Variants in IGDCC4 observed in about 807,000 individuals in gnomAD.
IGDCC4 encodes the protein likely ortholog of mouse neighbor of Punc E11.
Under a neutral mutation model 116.6 loss-of-function variants are expected in IGDCC4, and 72 were observed. The ratio of observed to expected loss-of-function variants is 0.62; its 90% CI spans 0.51 to 0.75. The LOEUF is 0.75. Ranked by LOEUF, IGDCC4 falls within the 30% of genes least tolerant of loss-of-function variation. The probability of loss-of-function intolerance (pLI) is 0.00; values close to 1 mark genes in which losing one functional copy is unlikely to be tolerated. For synonymous variants in IGDCC4, 709 were observed against 719.9 expected, an observed-to-expected ratio of 0.98 and a Z score of 0.24; for missense variants, 1,501 against 1,662.4, an observed-to-expected ratio of 0.90 and a Z score of 1.69.
At position 65,384,627 on chromosome 15, in the gene IGDCC4, G is replaced by A. The variant is rs1481323226; in HGVS notation, c.3343-208C>T. On this transcript the variant is annotated intron_variant, in intron 19 of 19. Transcript: ENST00000352385. This position sits in a 1 kb window ranked among gnomAD's most constrained non-coding sequence, Gnocchi z 4.9. Reference sequence around the variant, plus strand: ...CATTTGCCCTCATCCAGGAGTTTCAGGAGTACCAGACTCAGTCAGGGCCTC... The same window carrying A: ...CATTTGCCCTCATCCAGGAGTTTCAAGAGTACCAGACTCAGTCAGGGCCTC... 1.3e-5 allele frequency among the ~76,000 whole-genome samples: 2 copies of A among 152,176 alleles called. No homozygotes were observed. The highest frequency in any genetic ancestry group is 3.8e-4 in the East Asian group (2 of 5,196).
At chr15:65,412,344 T>G (rs1213503956) in intron 1 of IGDCC4, among the ~76,000 whole-genome samples, 1 of 151,446 alleles carries the variant, frequency 6.6e-6, no homozygotes, top group Non-Finnish European at 1.5e-5. Context: ...AAACCCCGTC[T>G]CTACTAAAAA....
chr15:65,385,415 C>A, intron 18 of IGDCC4: 1 of 525,456 alleles, frequency 1.9e-6, no homozygotes, highest in Non-Finnish European at 3.4e-6. Context: ...TGGGATGTGC[C>A]GCCCCTGCCA....
chr15:65,422,707 G>A (rs2063204662), intron 1 of IGDCC4, 86 bp downstream of exon 1: 11 of 1,109,470 alleles, frequency 9.9e-6, no homozygotes, highest in Non-Finnish European at 1.3e-5. Context: ...TCCGGCTTGA[G>A]CCAGCCCCGC....
At chr15:65,390,442 T>G (rs1383143133) in intron 12 of IGDCC4, 104 bp from the exon 13 acceptor site, 1 of 927,380 alleles carries the variant, frequency 1.1e-6, no homozygotes, top group African/African-American at 1.6e-5. Context: ...ACCCACTCCT[T>G]TGATCCTGTG....
intron 12 of IGDCC4, among the ~76,000 whole-genome samples, chr15:65,390,836 A>G (rs1246879920): frequency 6.6e-6 from 1 of 152,254 alleles, no homozygotes; most frequent in Admixed American, 6.5e-5. Context: ...ACCCCAAGAG[A>G]GCAAGAACCT....
In IGDCC4 at chr15:65,382,529, C is replaced by T. The variant is rs2091411333; in HGVS notation, c.*1480G>A. The stretch of plus-strand genomic sequence containing the variant: ...GGAGTAAAGACCCTAACATTCTATG[C>T]TCCTATGAGAGGGCTGAGGTGAAAA... On this transcript the variant is annotated 3_prime_UTR_variant, in exon 20 of 20. Coordinates refer to ENST00000352385, the MANE Select transcript of IGDCC4 (RefSeq NM_020962.3). 2.0e-5 allele frequency: 3 copies of T among 152,498 alleles called. No homozygotes were observed. Among genetic ancestry groups the T allele is most frequent in the Non-Finnish European group, 4.4e-5 (3 of 68,030 alleles). The allele number at this position is 152,498 out of a possible 1,614,324, so 9.4% of individuals were successfully genotyped here. A position where few individuals can be genotyped will look rare whatever the true frequency, so the allele number is the denominator to read the frequency against.
chr15:65,396,943 G>A lies in IGDCC4; in HGVS notation c.888C>T (p.Asn296=). 1 of 1,577,648 alleles carries A rather than the reference G, an allele frequency of 6.3e-7. No individual in the cohort carries two copies. The highest frequency in any genetic ancestry group is 8.6e-7 in the Non-Finnish European group (1 of 1,161,300). The change falls in exon 6 of 20, where the codon AAC becomes AAT. Residue 296 remains asparagine, a synonymous_variant. Transcript: ENST00000352385. ...AGGGCTGCGCGTTGGCAATTAGTAG[G>A]TTGGTGCGGCCCAGGACGATGACAT... ...STDVIVLGRT[N]LLIANAQPWH...
Position 65,396,840 on chromosome 15 carries a change from C to G in IGDCC4, c.991G>C (p.Val331Leu), listed in dbSNP as rs1379663665. The G allele has an allele frequency of 1.3e-6, 2 of 1,571,262 alleles. No individual in the cohort carries two copies. Among genetic ancestry groups the G allele is most frequent in the Non-Finnish European group, 1.7e-6 (2 of 1,158,220 alleles). Residue 331 changes from valine to leucine, a missense_variant, in exon 6 of 20, where the codon GTG (valine) becomes CTG (leucine). Val to Leu is a conservative substitution (Grantham distance 32, BLOSUM62 1). Coordinates refer to ENST00000352385, the MANE Select transcript of IGDCC4 (RefSeq NM_020962.3). ...GCCCTTCGGCCCGCCTCACCCAGCACACGGAGCTCAGCGGCTGCAGTGGCG... is the reference window on the plus strand; with the variant it reads ...GCCCTTCGGCCCGCCTCACCCAGCAGACGGAGCTCAGCGGCTGCAGTGGCG... ...DFATAAAELR[V>L]LAAPAITQAP...
chr15:65,387,461 G>A (rs574127951), intron 16 of IGDCC4, among the ~76,000 whole-genome samples: 159 of 152,180 alleles, frequency 1.0e-3, no homozygotes, highest in African/African-American at 3.7e-3. Flanking sequence ...CCATTCTCCT[G>A]CCTCAGCCTC....
In IGDCC4 at chr15:65,416,532, C is replaced by T. The variant is rs182561417; in HGVS notation, c.71-5162G>A. ...ATACCACCAAATCTTTTCATAAAAG[C>T]GATGCTCTGGGGAGGGGACCTTATT... On this transcript the variant is annotated intron_variant, in intron 1 of 19. Transcript: ENST00000352385. Among the ~76,000 whole-genome samples the T allele has an allele frequency of 2.4e-4, 36 of 152,270 alleles. No individual in the cohort carries two copies. In the East Asian group the frequency reaches 6.4e-3, roughly 27 times the overall value.
chr15:65,416,547 G>A (rs1401261490), intron 1 of IGDCC4, among the ~76,000 whole-genome samples: 1 of 152,124 alleles, frequency 6.6e-6, no homozygotes, highest in Non-Finnish European at 1.5e-5. Context: ...CTCTGGGGAG[G>A]GGACCTTATT....
chr15:65,402,364 A>G lies in IGDCC4; in HGVS notation c.687T>C (p.Ser229=). 6.4e-7 allele frequency: 1 copy of G among 1,569,428 alleles called. No homozygotes were observed. The highest frequency in any genetic ancestry group is 8.6e-7 in the Non-Finnish European group (1 of 1,156,302). The part of the protein sequence containing the change: ...RQHFSQEALL[S]VAHRGSLAST... ...CAGCCCCCTTACCTCTGTGGGCCAC[A>G]CTGAGTAGGGCCTCCTGGCTGAAGT... The change falls in exon 4 of 20, where the codon AGT becomes AGC. Residue 229 remains serine (S), a synonymous_variant. Coordinates refer to ENST00000352385, the MANE Select transcript of IGDCC4 (RefSeq NM_020962.3).
chr15:65,402,106 C>T (rs544212102), intron 4 of IGDCC4, among the ~76,000 whole-genome samples: 1 of 152,220 alleles, frequency 6.6e-6, no homozygotes, highest in Non-Finnish European at 1.5e-5. Context: ...AGAGGGCACA[C>T]AGGCTCTGCA....
rs34967365 is a variant in IGDCC4 at position 65,384,369 on chromosome 15, A to G, written c.3393T>C (p.Ala1131=). 2.5e-3 allele frequency: 3,954 copies of G among 1,550,706 alleles called. 82 individuals are homozygous for G. The African/African-American group carries it at 0.044, about 17-fold the overall frequency. Reference sequence around the variant, plus strand: ...TAAAGTCAGAGTGGACAATGACTTCAGCCTCCACCTGGTTCCTGCAGGCTG... The same window carrying G: ...TAAAGTCAGAGTGGACAATGACTTCGGCCTCCACCTGGTTCCTGCAGGCTG... ...SPPACRNQVE[A]EVIVHSDFSA... The change falls in exon 20 of 20, where the codon GCT becomes GCC. Residue 1131 remains alanine (A), a synonymous_variant. Transcript: ENST00000352385. The surrounding 1 kb of genome is among the most constrained non-coding windows in gnomAD (Gnocchi z 4.9).
Position 65,393,374 on chromosome 15 carries a change from G to A in IGDCC4, c.1872C>T (p.His624=). 6.2e-7 allele frequency: 1 copy of A among 1,611,804 alleles called. No homozygotes were observed. Among genetic ancestry groups the A allele is most frequent in the South Asian group, 1.1e-5 (1 of 90,542 alleles). ...QWMHHRTPSM[H]NQSHVPFAPA... is the part of the protein sequence containing the mutation. Reference sequence around the variant, plus strand: ...CTAACCCCGTACCATGGCTCTGGTTGTGCATACTGGGCGTCCTGTGATGCA... The same window carrying A: ...CTAACCCCGTACCATGGCTCTGGTTATGCATACTGGGCGTCCTGTGATGCA... The change falls in exon 10 of 20, where the codon CAC becomes CAT. Residue 624 remains histidine (H), a synonymous_variant. Coordinates refer to ENST00000352385, the MANE Select transcript of IGDCC4 (RefSeq NM_020962.3). The surrounding 1 kb of genome is among the most constrained non-coding windows in gnomAD (Gnocchi z 4.6).
chr15:65,389,119 A>G (rs770772366), intron 14 of IGDCC4, 141 bp from the exon 15 acceptor site: 10 of 1,145,194 alleles, frequency 8.7e-6, no homozygotes, highest in Admixed American at 2.8e-5. Context: ...AATTCTAGAA[A>G]ACAGTATGTG....
intron 1 of IGDCC4, 56 bp downstream of exon 1, chr15:65,422,737 C>T: frequency 7.8e-7 from 1 of 1,274,098 alleles, no homozygotes; most frequent in Non-Finnish European, 1.0e-6. Context: ...CAGACCAGGG[C>T]GCGGGCGCAC....
At position 65,383,962 on chromosome 15, in the gene IGDCC4, T is replaced by G; in HGVS notation, c.*47A>C. On this transcript the variant is annotated 3_prime_UTR_variant, in exon 20 of 20. Transcript: ENST00000352385. ...ATACACGGCCACAGGTATCGCATCC[T>G]ATGTGATCCATACCTGCCTGCCCCA... 6.7e-7 allele frequency: 1 copy of G among 1,487,372 alleles called. No individual in the cohort carries two copies. Among genetic ancestry groups the G allele is most frequent in the South Asian group, 1.4e-5 (1 of 73,796 alleles). The allele number at this position is 1,487,372 out of a possible 1,614,324, so 92.1% of individuals were successfully genotyped here.
chr15:65,396,609 A>C (rs911495671), intron 6 of IGDCC4, among the ~76,000 whole-genome samples: 2 of 151,474 alleles, frequency 1.3e-5, no homozygotes, highest in Non-Finnish European at 2.9e-5. Flanking sequence ...TCCAGGCCTT[A>C]ATCACCCCTC....
Sources: gnomAD v4.1 joint callset for allele counts (sites outside exome capture counted in the v4.1 genomes callset) on GRCh38, gnomAD v4.1.1 for gene constraint, Gnocchi (gnomAD v3.1) non-coding constraint, MANE v1.5 for transcripts, NCBI Gene and HGNC (gene_info 2026-07-23, HGNC 2026-07-21) for gene names.